The following CAB39 variants were observed in gnomAD, a reference collection of about 807,000 sequenced individuals.
CAB39 encodes the protein calcium binding protein 39, also known as calcium-binding protein 39.
In CAB39, 8 loss-of-function variants were observed where a neutral mutation model predicts 40.0. The ratio of observed to expected loss-of-function variants is 0.20; its 90% CI spans 0.12 to 0.36. The LOEUF is 0.36. CAB39 is among the 10% of genes least tolerant of loss of function. The probability of loss-of-function intolerance (pLI) is 1.00; values close to 1 mark genes in which losing one functional copy is unlikely to be tolerated. For missense variants in CAB39, 270 were observed against 401.1 expected, an observed-to-expected ratio of 0.67 and a Z score of 2.79; for synonymous variants, 156 against 141.6, an observed-to-expected ratio of 1.10 and a Z score of -0.72.
chr2:230,764,421 T>C lies in CAB39; in HGVS notation c.114+4306T>C, dbSNP rs544679442. 1.1e-4 allele frequency among the ~76,000 whole-genome samples: 16 copies of C among 152,336 alleles called. No homozygotes were observed. The South Asian group carries it at 3.3e-3, about 32-fold the overall frequency. On this transcript the variant is annotated intron_variant, in intron 2 of 8. Coordinates refer to ENST00000258418, the MANE Select transcript of CAB39 (RefSeq NM_016289.4). ...TTCTGTGAGTTGGGTGTGTAGTACA[T>C]GCACTTTTGACTTAACAATATTTTC...
intron 2 of CAB39, among the ~76,000 whole-genome samples, chr2:230,777,436 T>A (rs1026125784): frequency 7.3e-5 from 11 of 151,714 alleles, no homozygotes; most frequent in Non-Finnish European, 1.2e-4. Flanking sequence ...TTTTTTTTTT[T>A]AAATATGGAG....
At chr2:230,715,268 G>T (rs1694328246) in intron 1 of CAB39, among the ~76,000 whole-genome samples, 1 of 152,208 alleles carries the variant, frequency 6.6e-6, no homozygotes, top group African/African-American at 2.4e-5. Context: ...ATGAAATGCA[G>T]TAGTTAGGCT....
intron 2 of CAB39, among the ~76,000 whole-genome samples, chr2:230,790,639 C>T (rs997385804): frequency 5.9e-5 from 9 of 152,136 alleles, no homozygotes; most frequent in Non-Finnish European, 1.0e-4. Context: ...GTTTGGGTGT[C>T]TGTGTTGTGC....
chr2:230,731,366 G>A (rs1251779010), intron 1 of CAB39, among the ~76,000 whole-genome samples: 2 of 152,148 alleles, frequency 1.3e-5, no homozygotes, highest in African/African-American at 4.8e-5. Context: ...ATATACTCAT[G>A]TAAACCAGGA....
intron 1 of CAB39, among the ~76,000 whole-genome samples, chr2:230,749,968 G>T (rs1695057726): frequency 1.3e-5 from 2 of 152,178 alleles, no homozygotes; most frequent in African/African-American, 4.8e-5. Flanking sequence ...TTACTAGCTA[G>T]TTTCATGATA....
At chr2:230,751,429 G>A (rs1316466131) in intron 1 of CAB39, among the ~76,000 whole-genome samples, 1 of 152,232 alleles carries the variant, frequency 6.6e-6, no homozygotes, top group Non-Finnish European at 1.5e-5. Flanking sequence ...TGGAGTGAAT[G>A]AATGTTCTGC....
chr2:230,777,101 A>G (rs1695605770), intron 2 of CAB39, among the ~76,000 whole-genome samples: 1 of 152,040 alleles, frequency 6.6e-6, no homozygotes, highest in Admixed American at 6.5e-5. Flanking sequence ...TCCTTCATAG[A>G]TTCTAATTTA....
chr2:230,734,820 T>C (rs1168319256), intron 1 of CAB39, among the ~76,000 whole-genome samples: 2 of 152,134 alleles, frequency 1.3e-5, no homozygotes, highest in African/African-American at 4.8e-5. Context: ...AAGGAGTCAC[T>C]GCACTTACAT....
At chr2:230,779,120 G>T (rs1695644745) in intron 2 of CAB39, 2 of 152,222 alleles carry the variant, frequency 1.3e-5, no homozygotes, top group South Asian at 4.2e-4. Flanking sequence ...ATTATTAAAT[G>T]TAATTAAAGA....
In CAB39 at chr2:230,810,185, A is replaced by T. The variant is rs1455712533; in HGVS notation, c.568-78A>T. 3 of 674,078 alleles carry T rather than the reference A, an allele frequency of 4.5e-6. No individual in the cohort carries two copies. The African/African-American group carries it at 5.6e-5, about 13-fold the overall frequency. The allele number at this position is 674,078 out of a possible 1,614,324, so 41.8% of individuals were successfully genotyped here. A position where few individuals can be genotyped will look rare whatever the true frequency, so the allele number is the denominator to read the frequency against. On this transcript the variant is annotated intron_variant, in intron 5 of 8. Transcript: ENST00000258418. ...TTTTTAACAACAGTTTTTATTAGGT[A>T]AAATGGTGTGGAATTTAGGATTCGC...
At chr2:230,744,185 C>T (rs969846152) in intron 1 of CAB39, among the ~76,000 whole-genome samples, 4 of 152,200 alleles carry the variant, frequency 2.6e-5, no homozygotes, top group African/African-American at 9.7e-5. Flanking sequence ...TCCCAAAGTG[C>T]TGGGATTACA....
intron 2 of CAB39, among the ~76,000 whole-genome samples, chr2:230,768,335 A>G (rs576654590): frequency 3.2e-4 from 48 of 152,238 alleles, no homozygotes; most frequent in Non-Finnish European, 5.6e-4. Flanking sequence ...TAGTAGTAAG[A>G]TAAATGTCCT....
At chr2:230,771,244 G>T (rs1695477678) in intron 2 of CAB39, among the ~76,000 whole-genome samples, 1 of 151,884 alleles carries the variant, frequency 6.6e-6, no homozygotes, top group Non-Finnish European at 1.5e-5. Flanking sequence ...TAGTAGCAAT[G>T]AACAGTCCAA....
At chr2:230,794,666 A>G (rs1695949353) in intron 4 of CAB39, among the ~76,000 whole-genome samples, 1 of 152,184 alleles carries the variant, frequency 6.6e-6, no homozygotes, top group Non-Finnish European at 1.5e-5. Flanking sequence ...GGAGAATGCA[A>G]CTGGTGGGCC....
At chr2:230,803,926 A>T (rs1385859920) in intron 5 of CAB39, among the ~76,000 whole-genome samples, 1 of 152,234 alleles carries the variant, frequency 6.6e-6, no homozygotes, top group African/African-American at 2.4e-5. Context: ...ACCAAAAAAG[A>T]GCCCGCATTG....
At chr2:230,756,318 TTACTGTGTTGAA>T (rs1279200422) in intron 1 of CAB39, among the ~76,000 whole-genome samples, 1 of 152,248 alleles carries the variant, frequency 6.6e-6, no homozygotes, top group Non-Finnish European at 1.5e-5. Context: ...GTACAGCATG[TTACTGTGTTGAA>T]TACAGTAGGT....
intron 5 of CAB39, among the ~76,000 whole-genome samples, chr2:230,804,459 C>A (rs148455186): frequency 0.059 from 9,017 of 152,126 alleles, 915 homozygotes; most frequent in African/African-American, 0.2. Context: ...TGAACAGGCA[C>A]CCTACAGAAT....
intron 2 of CAB39, among the ~76,000 whole-genome samples, chr2:230,790,142 C>T (rs138147271): frequency 6.6e-6 from 1 of 152,156 alleles, no homozygotes; most frequent in East Asian, 1.9e-4. Flanking sequence ...AGGATCTTAG[C>T]TACCCAGGAG....
chr2:230,743,840 A>G (rs937110751), intron 1 of CAB39, among the ~76,000 whole-genome samples: 1 of 152,074 alleles, frequency 6.6e-6, no homozygotes, highest in African/African-American at 2.4e-5. Flanking sequence ...AAATCAGGTA[A>G]GTATGTGTAT....
Sources: allele counts gnomAD v4.1 joint callset (sites outside exome capture counted in the v4.1 genomes callset), GRCh38; gene constraint gnomAD v4.1.1; transcripts MANE v1.5; gene names NCBI Gene and HGNC (gene_info 2026-07-23, HGNC 2026-07-21).